The following SNTG2 variants were observed in gnomAD, a reference collection of about 807,000 sequenced individuals.
SNTG2 encodes the protein gamma-2-syntrophin.
In SNTG2, 74 loss-of-function variants were observed where a neutral mutation model predicts 70.9. The ratio of observed to expected loss-of-function variants is 1.04; its 90% CI spans 0.86 to 1.27. SNTG2 has a LOEUF of 1.27. Among genes scored for constraint, SNTG2 ranks in the 50% most tolerant of loss-of-function variants. The pLI, the probability that SNTG2 is intolerant of heterozygous loss-of-function variation, is 0.00. For missense variants in SNTG2, 717 were observed against 690.7 expected, an observed-to-expected ratio of 1.04 and a Z score of -0.43; for synonymous variants, 278 against 273.8, an observed-to-expected ratio of 1.02 and a Z score of -0.15.
intron 1 of SNTG2, among the ~76,000 whole-genome samples, chr2:964,751 C>T (rs541015616): frequency 6.6e-6 from 1 of 152,312 alleles, no homozygotes; most frequent in Non-Finnish European, 1.5e-5. Context: ...GGGCACTCTG[C>T]CACAGCGGGT....
intron 14 of SNTG2, among the ~76,000 whole-genome samples, chr2:1,272,086 GA>G (rs1212254903): frequency 6.6e-6 from 1 of 152,108 alleles, no homozygotes; most frequent in Non-Finnish European, 1.5e-5. Context: ...GGGCCAGGGG[GA>G]TGGTTTGGGG....
At chr2:1,269,633 G>T (rs1678916400) in intron 14 of SNTG2, among the ~76,000 whole-genome samples, 1 of 152,296 alleles carries the variant, frequency 6.6e-6, no homozygotes, top group Middle Eastern at 3.4e-3. Flanking sequence ...AATCGTTGGT[G>T]TCTTGCACAG....
chr2:1,174,655 C>A (rs200565332), intron 8 of SNTG2, among the ~76,000 whole-genome samples: 2 of 152,168 alleles, frequency 1.3e-5, no homozygotes, highest in East Asian at 3.8e-4. Context: ...TCACACAGCT[C>A]TGGGAAATTC....
intron 4 of SNTG2, among the ~76,000 whole-genome samples, chr2:1,104,033 C>T (rs575898072): frequency 6.6e-6 from 1 of 152,298 alleles, no homozygotes; most frequent in South Asian, 2.1e-4. Context: ...TTTAACTACC[C>T]TATGAGATGA....
At chr2:1,043,997 G>C (rs1350396772) in intron 1 of SNTG2, among the ~76,000 whole-genome samples, 1 of 152,094 alleles carries the variant, frequency 6.6e-6, no homozygotes, top group Non-Finnish European at 1.5e-5. Context: ...AATTGCTTTG[G>C]GCAGTATGGA....
intron 13 of SNTG2, among the ~76,000 whole-genome samples, chr2:1,260,327 CA>C (rs1310464132): frequency 2.0e-5 from 3 of 152,050 alleles, no homozygotes; most frequent in Non-Finnish European, 4.4e-5. Flanking sequence ...GAAACATGTA[CA>C]AGGGAAATAC....
At chr2:1,174,111 A>C (rs907818892) in intron 8 of SNTG2, among the ~76,000 whole-genome samples, 1 of 152,212 alleles carries the variant, frequency 6.6e-6, no homozygotes, top group Non-Finnish European at 1.5e-5. Context: ...TGTGTCAGTT[A>C]TGAAGCAAAA....
chr2:1,019,298 A>G (rs1159993166), intron 1 of SNTG2, among the ~76,000 whole-genome samples: 4 of 152,202 alleles, frequency 2.6e-5, no homozygotes, highest in Non-Finnish European at 4.4e-5. Flanking sequence ...ATTTTAATCC[A>G]TCAATGAGTG....
chr2:1,238,260 C>T (rs1041474178), intron 10 of SNTG2, among the ~76,000 whole-genome samples: 3 of 152,064 alleles, frequency 2.0e-5, no homozygotes, highest in African/African-American at 7.2e-5. Context: ...CTCCTCCCCT[C>T]TGTCTGCCTC....
At chr2:1,266,598 G>A (rs1678747963) in intron 13 of SNTG2, among the ~76,000 whole-genome samples, 1 of 152,048 alleles carries the variant, frequency 6.6e-6, no homozygotes, top group Admixed American at 6.6e-5. Flanking sequence ...TTTATCTCAG[G>A]ACAATGAACC....
intron 1 of SNTG2, among the ~76,000 whole-genome samples, chr2:1,004,707 G>C (rs980685355): frequency 3.3e-5 from 5 of 152,118 alleles, no homozygotes; most frequent in African/African-American, 1.2e-4. Flanking sequence ...CTTCGTTGTG[G>C]GTGTGAATGC....
chr2:1,237,981 G>A lies in SNTG2; in HGVS notation c.813G>A (p.Ala271=), dbSNP rs369165455. ...TAQDGTDWLR[A]VSANIRELTL... is the part of the protein sequence containing the mutation. ...AGGATGGCACCGACTGGCTGCGGGC[G>A]GTCTCAGCCAACATCAGGGAGCTGA... is the stretch of plus-strand genomic sequence containing the variant. Residue 271 remains alanine, a synonymous_variant, in exon 10 of 17, where the codon GCG becomes GCA. Coordinates refer to ENST00000308624, the MANE Select transcript of SNTG2 (RefSeq NM_018968.4). 1.6e-4 allele frequency: 250 copies of A among 1,610,038 alleles called. 2 individuals carry two copies. The African/African-American group carries it at 2.7e-3, about 17-fold the overall frequency.
intron 1 of SNTG2, among the ~76,000 whole-genome samples, chr2:954,525 CTG>C (rs2147938808): frequency 6.6e-6 from 1 of 152,302 alleles, no homozygotes; most frequent in African/African-American, 2.4e-5. Context: ...GTTGTCATGA[CTG>C]TAGTTTTGAA....
chr2:1,295,222 C>G (rs972745402), intron 14 of SNTG2, among the ~76,000 whole-genome samples: 2 of 152,160 alleles, frequency 1.3e-5, no homozygotes, highest in Non-Finnish European at 2.9e-5. Flanking sequence ...CTGAAGCGGC[C>G]ACATGCTGGG....
chr2:1,161,129 A>G (rs28736579), intron 6 of SNTG2: 116,797 of 152,352 alleles, frequency 0.77, 45,833 homozygotes, highest in Non-Finnish European at 0.86. Context: ...GCAGGTGGAA[A>G]TGGGGAGAGG....
chr2:1,280,085 C>CA (rs893768227), intron 14 of SNTG2, among the ~76,000 whole-genome samples: 5 of 151,832 alleles, frequency 3.3e-5, no homozygotes, highest in South Asian at 2.1e-4. Flanking sequence ...GATAAATTTT[C>CA]AAAAAAATCT....
At chr2:1,191,929 C>G (rs908339653) in intron 8 of SNTG2, among the ~76,000 whole-genome samples, 2 of 151,688 alleles carry the variant, frequency 1.3e-5, no homozygotes, top group African/African-American at 4.8e-5. Context: ...ATATAAAATA[C>G]AAATATTTAA....
intron 8 of SNTG2, among the ~76,000 whole-genome samples, chr2:1,179,856 T>A (rs1572659545): frequency 4.2e-5 from 6 of 142,792 alleles, no homozygotes; most frequent in East Asian, 2.3e-4. Flanking sequence ...ATGGTACTGG[T>A]ACCAAAACAG....
intron 15 of SNTG2, among the ~76,000 whole-genome samples, chr2:1,314,837 G>T (rs1681195596): frequency 6.6e-6 from 1 of 152,206 alleles, no homozygotes; most frequent in South Asian, 2.1e-4. Context: ...TGGCAGGCAA[G>T]AGAGAGTGTG....
Sources: allele counts gnomAD v4.1 joint callset (sites outside exome capture counted in the v4.1 genomes callset), GRCh38; gene constraint gnomAD v4.1.1; transcripts MANE v1.5; gene names NCBI Gene and HGNC (gene_info 2026-07-23, HGNC 2026-07-21).